The following KIFC3 variants were observed in gnomAD, a reference collection of about 807,000 sequenced individuals.
The protein encoded by KIFC3 is kinesin family member C3.
Under a neutral mutation model 101.8 loss-of-function variants are expected in KIFC3, and 60 were observed. The ratio of observed to expected loss-of-function variants is 0.59; its 90% CI spans 0.48 to 0.73. The LOEUF (loss-of-function observed/expected upper bound fraction) is 0.73. Ranked by LOEUF, KIFC3 falls within the 30% of genes least tolerant of loss-of-function variation. KIFC3 has a pLI of 0.00. For missense variants in KIFC3, 966 were observed against 1,137.1 expected, an observed-to-expected ratio of 0.85 and a Z score of 2.16; for synonymous variants, 476 against 482.7, an observed-to-expected ratio of 0.99 and a Z score of 0.18.
chr16:57,795,121 C>T lies in KIFC3; in HGVS notation c.193G>A (p.Val65Ile). ...LRTGRGKDTP[V>I]CGDEDSSARS... ...GCACTGGAGTCCTCGTCACCGCAGA[C>T]TGGGGTATCTTTTCCACGCCCTGTC... Residue 65 changes from valine (V) to isoleucine (I), a missense_variant, in exon 3 of 20, where the codon GTC (valine) becomes ATC (isoleucine). Physicochemically the swap from Val to Ile is conservative, Grantham distance 29. Around this residue, in one of 2 missense-constraint regions of KIFC3, gnomAD observed 277 missense variants for 252.5 expected, o/e 1.10. Coordinates refer to ENST00000445690, the MANE Select transcript of KIFC3 (RefSeq NM_001130100.2). 1 of 1,611,614 alleles carries T rather than the reference C, an allele frequency of 6.2e-7. No individual in the cohort carries two copies. Among genetic ancestry groups the T allele is most frequent in the Non-Finnish European group, 8.5e-7 (1 of 1,179,032 alleles).
chr16:57,798,238 G>A lies in KIFC3; in HGVS notation c.6C>T (p.Val2=). The change falls in exon 2 of 20, where the codon GTC becomes GTT. Residue 2 remains valine (V), a synonymous_variant. Coordinates refer to ENST00000445690, the MANE Select transcript of KIFC3 (RefSeq NM_001130100.2). M[V]PSRRTWNLGA... ...CCAGGTTCCACGTCCTGCGAGAGGG[G>A]ACCATGGCCTGGGGCTCAGCAGCCT... is the stretch of plus-strand genomic sequence containing the variant. 6.4e-7 allele frequency: 1 copy of A among 1,552,162 alleles called. No individual in the cohort carries two copies.
intron 3 of KIFC3, chr16:57,788,521 C>A: frequency 2.4e-6 from 3 of 1,256,052 alleles, no homozygotes; most frequent in Middle Eastern, 2.4e-4. Context: ...AAGAGCCTCC[C>A]TCCTGCGCTG....
At chr16:57,859,663 G>A (rs2056252906) in intron 1 of KIFC3, among the ~76,000 whole-genome samples, 1 of 152,076 alleles carries the variant, frequency 6.6e-6, no homozygotes, top group Non-Finnish European at 1.5e-5. Context: ...TACAGTGGGA[G>A]GGCAACTGTG....
At chr16:57,770,093 G>A (rs1555606561) in intron 7 of KIFC3, 138 bp from the exon 8 acceptor site, 19 of 1,090,832 alleles carry the variant, frequency 1.7e-5, no homozygotes, top group Non-Finnish European at 1.7e-5. Context: ...CAGAGGGGCA[G>A]AATGGCCTTG....
intron 1 of KIFC3, among the ~76,000 whole-genome samples, chr16:57,812,200 G>A (rs2055100540): frequency 2.0e-5 from 3 of 151,644 alleles, no homozygotes; most frequent in Non-Finnish European, 2.9e-5. Context: ...CCGCCACCTC[G>A]CCCGGCTAAT....
chr16:57,793,995 C>T (rs760138195), intron 3 of KIFC3, among the ~76,000 whole-genome samples: 27 of 152,112 alleles, frequency 1.8e-4, no homozygotes, highest in Non-Finnish European at 3.2e-4. Flanking sequence ...GTTGAATGGT[C>T]GAATATGTGA....
intron 11 of KIFC3, among the ~76,000 whole-genome samples, chr16:57,765,220 C>T (rs1374327498): frequency 5.3e-5 from 8 of 151,692 alleles, no homozygotes; most frequent in African/African-American, 1.9e-4. Flanking sequence ...GAACCACAGC[C>T]ATGGGAGGGG....
chr16:57,789,598 G>A (rs35275187), intron 3 of KIFC3, among the ~76,000 whole-genome samples: 19,103 of 152,192 alleles, frequency 0.13, 1,740 homozygotes, highest in African/African-American at 0.25. Context: ...AATTTTGGGG[G>A]AATAAAAAGA....
chr16:57,776,000 A>G, intron 3 of KIFC3: 2 of 985,286 alleles, frequency 2.0e-6, no homozygotes, highest in Non-Finnish European at 2.4e-6. Context: ...CTGCATTTAC[A>G]CTTCACAGGC....
At chr16:57,764,364 G>A (rs2050210050) in intron 11 of KIFC3, 117 bp from the exon 12 acceptor site, 1 of 636,796 alleles carries the variant, frequency 1.6e-6, no homozygotes, top group Non-Finnish European at 2.8e-6. Context: ...CACATCACGT[G>A]TTACTGCAGT....
In KIFC3 at chr16:57,770,507, C is replaced by A; in HGVS notation, c.939+20G>T. 7.3e-7 allele frequency: 1 copy of A among 1,377,586 alleles called. No homozygotes were observed. The highest frequency in any genetic ancestry group is 9.4e-7 in the Non-Finnish European group (1 of 1,065,558). 85.3% of individuals were successfully genotyped at this position (1,377,586 alleles called of 1,614,324 possible). On this transcript the variant is annotated intron_variant, in intron 7 of 19. Transcript: ENST00000445690. ...CTCTGGCTTCCTGGCTGGGCATGTGCCCCCACACAGCCTGGGTACCTGCGC... is the reference window on the plus strand; with the variant it reads ...CTCTGGCTTCCTGGCTGGGCATGTGACCCCACACAGCCTGGGTACCTGCGC...
At chr16:57,771,708 G>A in intron 4 of KIFC3, 22 bp from the exon 5 acceptor site, 1 of 1,604,308 alleles carries the variant, frequency 6.2e-7, no homozygotes. Flanking sequence ...CAGGGCCGAG[G>A]GGGCGCATGT....
Position 57,798,189 on chromosome 16 carries a change from G to A in KIFC3, c.55C>T (p.Leu19=). ...NLGATPSLRG[L]WRVGRAPEPE... is the part of the protein sequence containing the mutation. ...TCCGGGGCCCGGCCCACTCTCCACA[G>A]GCCCCGCAGCGAGGGCGTGGCTCCC... The change falls in exon 2 of 20, where the codon CTG becomes TTG. Residue 19 remains leucine (L), a synonymous_variant. Coordinates refer to ENST00000445690, the MANE Select transcript of KIFC3 (RefSeq NM_001130100.2). 3 of 1,543,580 alleles carry A rather than the reference G, an allele frequency of 1.9e-6. No homozygotes were observed. Among genetic ancestry groups the A allele is most frequent in the South Asian group, 1.2e-5 (1 of 82,856 alleles).
chr16:57,816,676 C>A (rs2055232751), intron 1 of KIFC3: 1 of 456,544 alleles, frequency 2.2e-6, no homozygotes, highest in African/African-American at 2.0e-5. Context: ...CCCCTCCCCA[C>A]AACCAGGAGT....
At chr16:57,849,668 C>T (rs1207620122) in intron 1 of KIFC3, among the ~76,000 whole-genome samples, 2 of 150,848 alleles carry the variant, frequency 1.3e-5, no homozygotes, top group Admixed American at 6.6e-5. Context: ...TTTGGGAGGC[C>T]GAGGCAGGCA....
intron 1 of KIFC3, among the ~76,000 whole-genome samples, chr16:57,838,666 A>C (rs1334479939): frequency 4.6e-5 from 7 of 152,202 alleles, no homozygotes; most frequent in Non-Finnish European, 5.9e-5. Flanking sequence ...ATGGTGTTGC[A>C]GCTTCCATTT....
chr16:57,850,479 T>G (rs1246926958), intron 1 of KIFC3, among the ~76,000 whole-genome samples: 11 of 137,574 alleles, frequency 8.0e-5, no homozygotes, highest in Non-Finnish European at 1.3e-4. Context: ...TTTTTTTTTT[T>G]TTTTTTTTTT....
At chr16:57,847,805 A>T (rs983641812) in intron 1 of KIFC3, among the ~76,000 whole-genome samples, 64 of 104,264 alleles carry the variant, frequency 6.1e-4, no homozygotes, top group East Asian at 9.0e-4. Context: ...TGTGTGTGTG[A>T]GACCGAGTCT....
intron 1 of KIFC3, among the ~76,000 whole-genome samples, chr16:57,853,792 C>G (rs1224432226): frequency 6.6e-6 from 1 of 152,078 alleles, no homozygotes; most frequent in South Asian, 2.1e-4. Context: ...CCACCATACC[C>G]GGATAATTTT....
Sources: allele counts gnomAD v4.1 joint callset (sites outside exome capture counted in the v4.1 genomes callset), GRCh38; gene constraint gnomAD v4.1.1; regional missense constraint gnomAD v4.1.1; transcripts MANE v1.5; gene names NCBI Gene and HGNC (gene_info 2026-07-23, HGNC 2026-07-21).